MARCHF1: variants seen among roughly 807,000 people sequenced by gnomAD.
The protein encoded by MARCHF1 is membrane associated ring-CH-type finger 1.
MARCHF1 carries 40 observed loss-of-function variants against 54.2 expected under a neutral mutation model. The observed-to-expected ratio is 0.74, with a 90% CI of 0.57 to 0.96. The LOEUF (loss-of-function observed/expected upper bound fraction) is 0.96, where lower values mean the gene tolerates loss of function less well. Among genes scored for constraint, MARCHF1 ranks in the 40% least tolerant of loss-of-function variants. MARCHF1 has a pLI of 0.00. For missense variants in MARCHF1, 586 were observed against 656.5 expected, an observed-to-expected ratio of 0.89 and a Z score of 1.17; for synonymous variants, 236 against 236.3, an observed-to-expected ratio of 1.00 and a Z score of 0.01.
intron 1 of MARCHF1, among the ~76,000 whole-genome samples, chr4:164,356,155 T>C (rs1386823143): frequency 8.9e-6 from 1 of 112,842 alleles, no homozygotes; most frequent in Non-Finnish European, 2.0e-5. Context: ...GGAACACTTT[T>C]GCACTGTTGG....
At chr4:163,775,724 G>A (rs2110884883) in intron 4 of MARCHF1, among the ~76,000 whole-genome samples, 1 of 152,196 alleles carries the variant, frequency 6.6e-6, no homozygotes, top group Non-Finnish European at 1.5e-5. Context: ...CTTAGTTTTG[G>A]ATGAAGAATG....
chr4:163,949,778 C>T (rs1240984578), intron 3 of MARCHF1, among the ~76,000 whole-genome samples: 2 of 129,568 alleles, frequency 1.5e-5, no homozygotes, highest in African/African-American at 5.7e-5. Flanking sequence ...AGAGAGGAAA[C>T]CCACAGTGAG....
chr4:163,587,420 T>G (rs532435134), intron 7 of MARCHF1, among the ~76,000 whole-genome samples: 7 of 152,186 alleles, frequency 4.6e-5, no homozygotes, highest in African/African-American at 1.4e-4. Context: ...ATTTACGCCA[T>G]GGAATACTAT....
chr4:164,294,190 C>T (rs958715159), intron 1 of MARCHF1, among the ~76,000 whole-genome samples: 3 of 152,240 alleles, frequency 2.0e-5, no homozygotes, highest in African/African-American at 7.2e-5. Context: ...GAAGGCTGCA[C>T]TCTCGGCTTC....
chr4:164,204,331 T>A (rs1418295398), intron 1 of MARCHF1, among the ~76,000 whole-genome samples: 1 of 152,206 alleles, frequency 6.6e-6, no homozygotes, highest in Non-Finnish European at 1.5e-5. Flanking sequence ...AAACTGTTTT[T>A]CACTTACAAA....
At chr4:163,554,570 TG>T (rs1463659332) in intron 8 of MARCHF1, among the ~76,000 whole-genome samples, 15 of 152,204 alleles carry the variant, frequency 9.9e-5, no homozygotes. Context: ...TAGGGAGACT[TG>T]GGTCAGAGAC....
At chr4:163,622,839 T>C (rs1741735536) in intron 5 of MARCHF1, among the ~76,000 whole-genome samples, 1 of 152,058 alleles carries the variant, frequency 6.6e-6, no homozygotes, top group Non-Finnish European at 1.5e-5. Flanking sequence ...ATTCACAACA[T>C]TAGGGGAGTG....
chr4:163,612,360 G>A lies in MARCHF1; in HGVS notation c.921C>T (p.Asp307=), dbSNP rs553123783. Residue 307 remains aspartate (D), a synonymous_variant, in exon 7 of 10, where the codon GAC becomes GAT. Coordinates refer to ENST00000514618, the MANE Select transcript of MARCHF1 (RefSeq NM_001394959.1). ...TCACCTGGAGCCCTGCATCATTCATGTCCTTGCTGCCTTCTGGAACTCCCA... is the reference window on the plus strand; with the variant it reads ...TCACCTGGAGCCCTGCATCATTCATATCCTTGCTGCCTTCTGGAACTCCCA... ...EILGVPEGSK[D]MNDAGLQVNN... 281 of 1,535,252 alleles carry A rather than the reference G, an allele frequency of 1.8e-4. No individual in the cohort carries two copies. Among genetic ancestry groups the A allele is most frequent in the Non-Finnish European group, 2.4e-4 (271 of 1,146,442 alleles).
chr4:164,350,949 G>A (rs1033656763), intron 1 of MARCHF1, among the ~76,000 whole-genome samples: 2 of 152,044 alleles, frequency 1.3e-5, no homozygotes, highest in African/African-American at 2.4e-5. Flanking sequence ...TGCCTCACCT[G>A]GGAAGCGCAA....
chr4:164,188,656 T>C (rs1413859690), intron 1 of MARCHF1: 10 of 1,085,296 alleles, frequency 9.2e-6, no homozygotes, highest in Non-Finnish European at 1.4e-5. Flanking sequence ...ACACGGTCTT[T>C]GACGCCAAGT....
chr4:163,785,611 T>C (rs1313589993), intron 4 of MARCHF1, among the ~76,000 whole-genome samples: 2 of 152,016 alleles, frequency 1.3e-5, no homozygotes, highest in Non-Finnish European at 2.9e-5. Context: ...TGGCTATTAA[T>C]TGAGGAATAA....
intron 1 of MARCHF1, among the ~76,000 whole-genome samples, chr4:164,112,823 A>T (rs906248412): frequency 1.3e-5 from 2 of 151,898 alleles, no homozygotes; most frequent in African/African-American, 4.8e-5. Context: ...GAACCATGAA[A>T]ATTTCCATTA....
intron 1 of MARCHF1, among the ~76,000 whole-genome samples, chr4:164,211,331 G>GTGTATATATATATA (rs763172261): frequency 8.6e-6 from 1 of 115,960 alleles, no homozygotes. Context: ...ATGTATGTAT[G>GTGTATATATATATA]TATATATATA....
chr4:164,101,755 T>A (rs1392747692), intron 2 of MARCHF1, among the ~76,000 whole-genome samples: 4 of 146,816 alleles, frequency 2.7e-5, no homozygotes, highest in Admixed American at 1.4e-4. Context: ...GGAACAAAGC[T>A]GGATGGAGAA....
intron 1 of MARCHF1, among the ~76,000 whole-genome samples, chr4:164,277,317 T>C (rs1014943875): frequency 2.6e-5 from 4 of 152,180 alleles, no homozygotes; most frequent in African/African-American, 7.2e-5. Context: ...TTAAGTGAAG[T>C]AATAAATTCA....
intron 3 of MARCHF1, among the ~76,000 whole-genome samples, chr4:163,926,736 G>C (rs1397996469): frequency 2.0e-5 from 3 of 151,306 alleles, no homozygotes; most frequent in Non-Finnish European, 3.0e-5. Flanking sequence ...CTGATACTAA[G>C]ACATTTATAT....
At chr4:164,240,858 T>C (rs892374076) in intron 1 of MARCHF1, among the ~76,000 whole-genome samples, 4 of 151,990 alleles carry the variant, frequency 2.6e-5, no homozygotes, top group African/African-American at 4.8e-5. Flanking sequence ...ATTGTAAAAC[T>C]AATAAAAAGC....
rs80099054 is a variant in MARCHF1, at chr4:163,861,438, C to G, written c.-38-7269G>C. Among the ~76,000 whole-genome samples, 465 of 152,078 alleles carry G rather than the reference C, an allele frequency of 3.1e-3. 6 individuals are homozygous for G. Among genetic ancestry groups the G allele is most frequent in the Middle Eastern group, 0.014 (4 of 294 alleles). ...CAAAGTCAACTGCTTTCCTGTATAC[C>G]TATATACAATCAATGCACAATTGAA... On this transcript the variant is annotated intron_variant, in intron 3 of 9. Transcript: ENST00000514618.
At chr4:163,593,072 C>A (rs1289751007) in intron 7 of MARCHF1, among the ~76,000 whole-genome samples, 1 of 152,066 alleles carries the variant, frequency 6.6e-6, no homozygotes, top group Non-Finnish European at 1.5e-5. Flanking sequence ...GCTCAGAGGA[C>A]CATGTATTTC....
Sources: allele counts gnomAD v4.1 joint callset (sites outside exome capture counted in the v4.1 genomes callset), GRCh38; gene constraint gnomAD v4.1.1; transcripts MANE v1.5; gene names NCBI Gene and HGNC (gene_info 2026-07-23, HGNC 2026-07-21).